HS6ST3: variants seen among roughly 807,000 people sequenced by gnomAD.
The protein encoded by HS6ST3 is heparan sulfate 6-O-sulfotransferase 3, also known as heparan-sulfate 6-O-sulfotransferase 3.
HS6ST3 carries 12 observed loss-of-function variants against 36.7 expected under a neutral mutation model. The ratio of observed to expected loss-of-function variants is 0.33; its 90% CI spans 0.21 to 0.53. HS6ST3 has a LOEUF of 0.53. HS6ST3 is among the 20% of genes least tolerant of loss of function. The pLI is 0.95. For synonymous variants in HS6ST3, 240 were observed against 257.5 expected, an observed-to-expected ratio of 0.93 and a Z score of 0.65; for missense variants, 584 against 640.9, an observed-to-expected ratio of 0.91 and a Z score of 0.96.
chr13:96,774,163 C>A lies in HS6ST3; in HGVS notation c.708-58327C>A, dbSNP rs554351316. Among the ~76,000 whole-genome samples the A allele has an allele frequency of 2.0e-5, 3 of 152,108 alleles. No individual in the cohort carries two copies. In the South Asian group the frequency reaches 6.2e-4, roughly 32 times the overall value. Reference sequence around the variant, plus strand: ...ATTAAAAAGGACGTCCACACAAAAACCCCATTCAAAGGTCACCAACATCAA... The same window carrying A: ...ATTAAAAAGGACGTCCACACAAAAAACCCATTCAAAGGTCACCAACATCAA... On this transcript the variant is annotated intron_variant, in intron 1 of 1. Transcript: ENST00000376705.
In HS6ST3 at chr13:96,837,399, A is replaced by G. The variant is rs944188859; in HGVS notation, c.*4201A>G. 2.0e-5 allele frequency: 3 copies of G among 152,130 alleles called. No homozygotes were observed. Among genetic ancestry groups the G allele is most frequent in the African/African-American group, 7.2e-5 (3 of 41,422 alleles). The allele number at this position is 152,130 out of a possible 1,614,324, so 9.4% of individuals were successfully genotyped here. On this transcript the variant is annotated 3_prime_UTR_variant, in exon 2 of 2. Transcript: ENST00000376705. The stretch of plus-strand genomic sequence containing the variant: ...CACCACTTGCTAGTTTGGGATGGAG[A>G]GTCAGATATGTTGAAAGATTTCCCA...
intron 1 of HS6ST3, among the ~76,000 whole-genome samples, chr13:96,179,037 G>A (rs1288983499): frequency 1.3e-5 from 2 of 152,066 alleles, no homozygotes; most frequent in Non-Finnish European, 2.9e-5. Flanking sequence ...ATAAGTAATC[G>A]GGAACCAGGT....
intron 1 of HS6ST3, among the ~76,000 whole-genome samples, chr13:96,683,477 G>A (rs1248683191): frequency 2.6e-5 from 4 of 151,998 alleles, no homozygotes; most frequent in Admixed American, 1.3e-4. Context: ...ATACTAGCAG[G>A]TATTATTTCA....
intron 1 of HS6ST3, among the ~76,000 whole-genome samples, chr13:96,180,410 C>T (rs1197481047): frequency 3.3e-5 from 5 of 152,244 alleles, no homozygotes; most frequent in African/African-American, 1.2e-4. Context: ...TCTTCCACCT[C>T]AATTCCAAGT....
chr13:96,428,590 C>A (rs755493353), intron 1 of HS6ST3, among the ~76,000 whole-genome samples: 9 of 152,042 alleles, frequency 5.9e-5, no homozygotes. Context: ...TGGATTAGGG[C>A]CCACCCCAAT....
chr13:96,380,823 T>A (rs2055337262), intron 1 of HS6ST3, among the ~76,000 whole-genome samples: 1 of 152,220 alleles, frequency 6.6e-6, no homozygotes, highest in African/African-American at 2.4e-5. Context: ...ATTGAACGAC[T>A]GAGTTAGATT....
intron 1 of HS6ST3, among the ~76,000 whole-genome samples, chr13:96,716,768 G>T (rs182755845): frequency 6.6e-6 from 1 of 152,106 alleles, no homozygotes; most frequent in East Asian, 1.9e-4. Context: ...GTTCCATAAA[G>T]CACACAAAGT....
intron 1 of HS6ST3, among the ~76,000 whole-genome samples, chr13:96,785,136 TC>T (rs1330790443): frequency 6.6e-6 from 1 of 151,838 alleles, no homozygotes; most frequent in Non-Finnish European, 1.5e-5. Context: ...GCCACTGCAC[TC>T]CAGCCTGGGC....
chr13:96,187,267 A>T (rs2054269176), intron 1 of HS6ST3, among the ~76,000 whole-genome samples: 1 of 152,238 alleles, frequency 6.6e-6, no homozygotes, highest in Non-Finnish European at 1.5e-5. Context: ...CATCTGGTTA[A>T]GAATACCTTT....
At chr13:96,593,705 A>T (rs115406613) in intron 1 of HS6ST3, among the ~76,000 whole-genome samples, 1,835 of 151,422 alleles carry the variant, frequency 0.012, 30 homozygotes, top group African/African-American at 0.042. Context: ...TTTATTTTGA[A>T]TTTTTTTGCA....
At chr13:96,460,573 C>A (rs1047415212) in intron 1 of HS6ST3, among the ~76,000 whole-genome samples, 3 of 152,158 alleles carry the variant, frequency 2.0e-5, no homozygotes, top group African/African-American at 7.2e-5. Flanking sequence ...CTGGTCTATA[C>A]ACCTTTTAAG....
chr13:96,574,869 C>A (rs1051415491), intron 1 of HS6ST3, among the ~76,000 whole-genome samples: 2 of 152,168 alleles, frequency 1.3e-5, no homozygotes, highest in Admixed American at 6.5e-5. Flanking sequence ...CACACACACA[C>A]CCCTGCAGCT....
At chr13:96,556,926 T>TCAG (rs957236832) in intron 1 of HS6ST3, among the ~76,000 whole-genome samples, 3 of 152,198 alleles carry the variant, frequency 2.0e-5, no homozygotes, top group African/African-American at 7.2e-5. Context: ...CTCATTTTTG[T>TCAG]CAGCAGCAGC....
In HS6ST3 at chr13:96,417,134, A is replaced by C. The variant is rs561830542; in HGVS notation, c.707+325565A>C. Among the ~76,000 whole-genome samples, 4 of 152,318 alleles carry C rather than the reference A, an allele frequency of 2.6e-5. No homozygotes were observed. The East Asian group carries it at 7.7e-4, about 29-fold the overall frequency. On this transcript the variant is annotated intron_variant, in intron 1 of 1. Transcript: ENST00000376705. ...GGAAGAATTATTATCAGATAAGTGG[A>C]CATGCTTCAGAATTTTATTTTGCAG...
chr13:96,587,558 C>T (rs554176452), intron 1 of HS6ST3, among the ~76,000 whole-genome samples: 10 of 152,294 alleles, frequency 6.6e-5, no homozygotes, highest in African/African-American at 1.4e-4. Context: ...GATGGCATCA[C>T]GTGGCAGGAG....
rs117321325 is a variant in HS6ST3, at chr13:96,595,200, C to T, written c.708-237290C>T. Among the ~76,000 whole-genome samples the T allele has an allele frequency of 1.3e-3, 195 of 152,190 alleles. No homozygotes were observed. The East Asian group carries it at 0.018, about 14-fold the overall frequency. ...GGCTGAAACTACAGGCGTGCACCAC[C>T]GTGCCTGGCTAATTTTTCAAATATT... On this transcript the variant is annotated intron_variant, in intron 1 of 1. Transcript: ENST00000376705.
intron 1 of HS6ST3, among the ~76,000 whole-genome samples, chr13:96,675,390 A>G (rs949954515): frequency 5.3e-5 from 8 of 152,096 alleles, no homozygotes; most frequent in Admixed American, 3.3e-4. Flanking sequence ...TCATATTTAT[A>G]TATGTCACAT....
At chr13:96,607,649 G>A (rs1021341511) in intron 1 of HS6ST3, among the ~76,000 whole-genome samples, 7 of 152,138 alleles carry the variant, frequency 4.6e-5, no homozygotes, top group Admixed American at 1.3e-4. Context: ...CTGTATTTTA[G>A]TGTTTTTACT....
At chr13:96,830,846 C>G (rs538179211) in intron 1 of HS6ST3, among the ~76,000 whole-genome samples, 349 of 152,328 alleles carry the variant, frequency 2.3e-3, no homozygotes, top group Middle Eastern at 0.01. Flanking sequence ...AGCTGGCCCC[C>G]CTCAACGAGC....
Sources: allele counts gnomAD v4.1 joint callset (sites outside exome capture counted in the v4.1 genomes callset), GRCh38; gene constraint gnomAD v4.1.1; transcripts MANE v1.5; gene names NCBI Gene and HGNC (gene_info 2026-07-23, HGNC 2026-07-21).